The following AKAP14 variants were observed in gnomAD, a reference collection of about 807,000 sequenced individuals.
AKAP14 encodes the protein A-kinase anchoring protein 14.
Under a neutral mutation model 17.0 loss-of-function variants are expected in AKAP14, and 4 were observed. That is an observed-to-expected ratio of 0.23 (90% CI 0.12 to 0.54). AKAP14 has a LOEUF of 0.54. Ranked by LOEUF, AKAP14 falls within the 20% of genes least tolerant of loss-of-function variation. The pLI is 0.95. For missense variants in AKAP14, 129 were observed against 150.9 expected (o/e 0.85, Z 0.76); for synonymous variants, 42 against 51.3 (o/e 0.82, Z 0.77).
At chrX:119,918,225 TTTTTG>T (rs954531990) in intron 5 of AKAP14, among the ~76,000 whole-genome samples, 1 of 111,691 alleles carries the variant, frequency 9.0e-6, no homozygotes, top group Admixed American at 9.6e-5. Flanking sequence ...TATATAATTG[TTTTTG>T]TTTTGTTTTG....
intron 4 of AKAP14, among the ~76,000 whole-genome samples, chrX:119,913,989 C>G (rs2056642504): frequency 9.0e-6 from 1 of 111,235 alleles, no homozygotes; most frequent in Non-Finnish European, 1.9e-5. Flanking sequence ...ATTCCCAGCA[C>G]TTTGGGAGGC....
At position 119,903,485 on chromosome X, in the gene AKAP14, T is replaced by C. The variant is rs761631514; in HGVS notation, c.170-10T>C. On this transcript the variant is annotated splice_polypyrimidine_tract_variant and intron_variant, in intron 3 of 6. Coordinates refer to ENST00000371431, the MANE Select transcript of AKAP14 (RefSeq NM_178813.6). Reference sequence around the variant, plus strand: ...CTGGCAACTAACGAACTCACACCTTTTTTTTGCAGAGGAGCGAAACCCTTT... The same window carrying C: ...CTGGCAACTAACGAACTCACACCTTCTTTTTGCAGAGGAGCGAAACCCTTT... 3.0e-5 allele frequency: 36 copies of C among 1,210,405 alleles called. No homozygotes were observed. Among genetic ancestry groups the C allele is most frequent in the Non-Finnish European group, 3.5e-5 (31 of 895,400 alleles).
chrX:119,909,924 G>A (rs1179833265), intron 4 of AKAP14, among the ~76,000 whole-genome samples: 1 of 109,446 alleles, frequency 9.1e-6, no homozygotes, highest in Non-Finnish European at 1.9e-5. Flanking sequence ...TTGGGAGGCC[G>A]AGGCCAGTGG....
intron 4 of AKAP14, among the ~76,000 whole-genome samples, chrX:119,909,535 T>TAAAA (rs59646125): frequency 1.3e-4 from 10 of 75,739 alleles, no homozygotes; most frequent in African/African-American, 3.2e-4. Context: ...CTCAAAAACA[T>TAAAA]AAAAAAAAAA....
At chrX:119,897,349 C>T (rs1017677934) in intron 2 of AKAP14, among the ~76,000 whole-genome samples, 15 of 108,528 alleles carry the variant, frequency 1.4e-4, no homozygotes, top group East Asian at 1.2e-3. Flanking sequence ...TTAGTAGAGA[C>T]GGGGTTTCAC....
chrX:119,916,324 A>G (rs1390259352), intron 5 of AKAP14, among the ~76,000 whole-genome samples: 1 of 109,298 alleles, frequency 9.1e-6, no homozygotes, highest in East Asian at 2.9e-4. Context: ...GGTGCACACC[A>G]CCATGCCCAG....
intron 2 of AKAP14, 135 bp from the exon 3 acceptor site, chrX:119,903,079 A>C: frequency 1.7e-6 from 1 of 580,052 alleles, no homozygotes; most frequent in South Asian, 3.3e-5. Flanking sequence ...CTACCCTTAA[A>C]CCCCTAATCC....
chrX:119,918,684 A>G lies in AKAP14; in HGVS notation c.442-1227A>G, dbSNP rs140583425. Among the ~76,000 whole-genome samples, 93 of 112,741 alleles carry G rather than the reference A, an allele frequency of 8.2e-4. 1 individual carries two copies. In the East Asian group the frequency reaches 0.024, roughly 30 times the overall value. On this transcript the variant is annotated intron_variant, in intron 5 of 6. Transcript: ENST00000371431. Reference sequence around the variant, plus strand: ...ATTGCTGGTATCCACGAGGTAGACCATGAATAAGAAATATGTTAACTTGAT... The same window carrying G: ...ATTGCTGGTATCCACGAGGTAGACCGTGAATAAGAAATATGTTAACTTGAT...
In AKAP14 at chrX:119,919,969, G is replaced by A. The variant is rs2056679724; in HGVS notation, c.494+6G>A. The A allele has an allele frequency of 8.3e-7, 1 of 1,205,698 alleles. No homozygotes were observed. The highest frequency in any genetic ancestry group is 1.8e-5 in the African/African-American group (1 of 57,129). On this transcript the variant is annotated splice_donor_region_variant and intron_variant, in intron 6 of 6. Coordinates refer to ENST00000371431, the MANE Select transcript of AKAP14 (RefSeq NM_178813.6). Reference sequence around the variant, plus strand: ...CACCAAGCATTAGTTCACAGGTAATGAACATTTGGAGGTTTGTTTTAAAAG... The same window carrying A: ...CACCAAGCATTAGTTCACAGGTAATAAACATTTGGAGGTTTGTTTTAAAAG...
At chrX:119,910,068 C>T (rs1370495068) in intron 4 of AKAP14, among the ~76,000 whole-genome samples, 1 of 109,668 alleles carries the variant, frequency 9.1e-6, no homozygotes, top group Non-Finnish European at 1.9e-5. Context: ...GAGGCTGAGG[C>T]GGGAGGGTCA....
At chrX:119,920,147 C>A (rs992481964) in intron 6 of AKAP14, among the ~76,000 whole-genome samples, 184 bp downstream of exon 6, 1 of 111,348 alleles carries the variant, frequency 9.0e-6, no homozygotes, top group African/African-American at 3.3e-5. Context: ...TCTGGTTTTT[C>A]ATTCATTATA....
chrX:119,899,908 C>T (rs1298890748), intron 2 of AKAP14, among the ~76,000 whole-genome samples: 1 of 111,706 alleles, frequency 9.0e-6, no homozygotes, highest in Non-Finnish European at 1.9e-5. Flanking sequence ...CCCTTCCACT[C>T]AATGGAAGGA....
chrX:119,908,548 C>T (rs1360133007), intron 4 of AKAP14, among the ~76,000 whole-genome samples: 2 of 111,700 alleles, frequency 1.8e-5, no homozygotes, highest in Admixed American at 1.9e-4. Flanking sequence ...AATGAAATTA[C>T]CCAAAATACC....
intron 4 of AKAP14, among the ~76,000 whole-genome samples, chrX:119,906,099 C>T (rs955898685): frequency 2.7e-5 from 3 of 111,366 alleles, no homozygotes; most frequent in Non-Finnish European, 3.8e-5. Context: ...TTACCTATTT[C>T]GTAGGGCTGT....
chrX:119,903,785 A>G (rs994589016), intron 4 of AKAP14, 199 bp downstream of exon 4: 8 of 739,167 alleles, frequency 1.1e-5, no homozygotes, highest in African/African-American at 6.4e-5. Flanking sequence ...CACAATCACA[A>G]TCATTTTCCC....
chrX:119,902,708 T>C (rs936680061), intron 2 of AKAP14, among the ~76,000 whole-genome samples: 5 of 111,385 alleles, frequency 4.5e-5, no homozygotes, highest in Admixed American at 2.9e-4. Context: ...GTTTTGTTTT[T>C]GAGATGGAGT....
chrX:119,903,470 A>G (rs777695325), intron 3 of AKAP14, 25 bp from the exon 4 acceptor site: 19 of 1,211,692 alleles, frequency 1.6e-5, no homozygotes, highest in Non-Finnish European at 2.0e-5. Flanking sequence ...CTGGCAACTA[A>G]CGAACTCACA....
At chrX:119,910,753 C>T (rs979124357) in intron 4 of AKAP14, among the ~76,000 whole-genome samples, 3 of 110,606 alleles carry the variant, frequency 2.7e-5, no homozygotes, top group Non-Finnish European at 5.7e-5. Context: ...ATCTCCGCCT[C>T]CCGGGTTCAA....
chrX:119,916,394 C>T (rs1458839399), intron 5 of AKAP14, among the ~76,000 whole-genome samples: 1 of 110,501 alleles, frequency 9.0e-6, no homozygotes, highest in Admixed American at 9.8e-5. Context: ...AACAAATTTC[C>T]GTCACTCCTC....
Sources: gnomAD v4.1 joint callset for allele counts (sites outside exome capture counted in the v4.1 genomes callset) on GRCh38, gnomAD v4.1.1 for gene constraint, MANE v1.5 for transcripts, NCBI Gene and HGNC (gene_info 2026-07-23, HGNC 2026-07-21) for gene names.